SPRED2: variants seen among roughly 807,000 people sequenced by gnomAD.
SPRED2 encodes the protein sprouty-related, EVH1 domain-containing protein 2.
Under a neutral mutation model 43.0 loss-of-function variants are expected in SPRED2, and 47 were observed. The observed-to-expected ratio is 1.09, with a 90% CI of 0.87 to 1.40. The LOEUF is 1.40. Ranked by LOEUF, SPRED2 falls within the 40% of genes most tolerant of loss-of-function variation. The pLI is 0.00. For missense variants in SPRED2, 561 were observed against 586.4 expected (o/e 0.96, Z 0.45); for synonymous variants, 225 against 225.7 (o/e 1.00, Z 0.03).
chr2:65,313,304 G>T lies in SPRED2; in HGVS notation c.*197C>A. 7.0e-7 allele frequency: 1 copy of T among 1,430,920 alleles called. No individual in the cohort carries two copies. The allele number at this position is 1,430,920 out of a possible 1,614,324, so 88.6% of individuals were successfully genotyped here. On this transcript the variant is annotated 3_prime_UTR_variant, in exon 6 of 6. Transcript: ENST00000356388. ...TGTGTGTATGGATGTGGCTGCTGCA[G>T]TGTGGGCGGCAGGGGGAGTGGAGAG...
At chr2:65,404,525 T>C (rs1675978236) in intron 1 of SPRED2, among the ~76,000 whole-genome samples, 1 of 152,244 alleles carries the variant, frequency 6.6e-6, no homozygotes, top group South Asian at 2.1e-4. Flanking sequence ...CATAATTTAA[T>C]GCAGATATTC....
chr2:65,322,264 C>CTATATATATA (rs1673443326), intron 4 of SPRED2, among the ~76,000 whole-genome samples: 5 of 56,916 alleles, frequency 8.8e-5, no homozygotes, highest in African/African-American at 4.0e-4. Flanking sequence ...CTCTCTCTCT[C>CTATATATATA]TCTCTCTATA....
intron 1 of SPRED2, chr2:65,377,707 T>C (rs1209662841): frequency 4.2e-6 from 2 of 471,218 alleles, no homozygotes; most frequent in East Asian, 1.4e-4. Context: ...AAAGGAAGGC[T>C]GTGTGGGTGT....
At chr2:65,364,585 C>T (rs1467127674) in intron 1 of SPRED2, among the ~76,000 whole-genome samples, 1 of 152,162 alleles carries the variant, frequency 6.6e-6, no homozygotes, top group Non-Finnish European at 1.5e-5. Context: ...GTCAGTATAC[C>T]CTCTGTGTAC....
chr2:65,384,881 T>C (rs1286753551), intron 1 of SPRED2, among the ~76,000 whole-genome samples: 1 of 152,134 alleles, frequency 6.6e-6, no homozygotes, highest in Non-Finnish European at 1.5e-5. Flanking sequence ...TTCTGTGCCC[T>C]CCTCTCCACC....
intron 3 of SPRED2, 81 bp from the exon 4 acceptor site, chr2:65,332,132 A>G: frequency 1.2e-6 from 1 of 860,524 alleles, no homozygotes; most frequent in South Asian, 1.9e-5. Flanking sequence ...ATATTTTAAT[A>G]AAACCACATT....
chr2:65,319,236 A>G (rs1420439055), intron 4 of SPRED2, among the ~76,000 whole-genome samples: 1 of 152,144 alleles, frequency 6.6e-6, no homozygotes, highest in East Asian at 1.9e-4. Context: ...TGCATGGCTG[A>G]TGCCTGCTTC....
intron 1 of SPRED2, among the ~76,000 whole-genome samples, chr2:65,383,427 T>C (rs1302353701): frequency 6.6e-6 from 1 of 152,202 alleles, no homozygotes; most frequent in Non-Finnish European, 1.5e-5. Context: ...TTAGCTAATA[T>C]CCCCTGTGGT....
At position 65,311,393 on chromosome 2, in the gene SPRED2, A is replaced by G; in HGVS notation, c.*2108T>C. The stretch of plus-strand genomic sequence containing the variant: ...GGTGGAAAAGGACAAGGGGTGAAAG[A>G]AGAGAGAAACAGGTAACAACTAAAT... On this transcript the variant is annotated 3_prime_UTR_variant, in exon 6 of 6. Coordinates refer to ENST00000356388, the MANE Select transcript of SPRED2 (RefSeq NM_181784.3). The G allele has an allele frequency of 1.0e-6, 1 of 985,936 alleles. No homozygotes were observed. Among genetic ancestry groups the G allele is most frequent in the Non-Finnish European group, 1.2e-6 (1 of 829,950 alleles). 61.1% of individuals were successfully genotyped at this position (985,936 alleles called of 1,614,324 possible).
chr2:65,389,954 G>T (rs1389410818), intron 1 of SPRED2, among the ~76,000 whole-genome samples: 1 of 152,220 alleles, frequency 6.6e-6, no homozygotes, highest in African/African-American at 2.4e-5. Context: ...ACTACTCAGA[G>T]ATAATACTGT....
chr2:65,340,402 A>G (rs895159363), intron 2 of SPRED2, among the ~76,000 whole-genome samples: 1 of 152,234 alleles, frequency 6.6e-6, no homozygotes, highest in Admixed American at 6.5e-5. Flanking sequence ...TTGCTTTTCA[A>G]AGAGCTTTGC....
intron 4 of SPRED2, among the ~76,000 whole-genome samples, chr2:65,328,021 C>T (rs750110809): frequency 8.5e-5 from 13 of 152,062 alleles, no homozygotes; most frequent in Admixed American, 3.3e-4. Context: ...TGTGCCCGGC[C>T]CATTTTTGCT....
chr2:65,352,486 C>T lies in SPRED2; in HGVS notation c.27-7590G>A, dbSNP rs574489900. ...GAGCTCACAGTGCCAGGGCACTATG[C>T]TCTATGTTTATCAAGAGGAGAAAAC... is the stretch of plus-strand genomic sequence containing the variant. On this transcript the variant is annotated intron_variant, in intron 1 of 5. Coordinates refer to ENST00000356388, the MANE Select transcript of SPRED2 (RefSeq NM_181784.3). Among the ~76,000 whole-genome samples, 8 of 152,340 alleles carry T rather than the reference C, an allele frequency of 5.3e-5. No individual in the cohort carries two copies. In the South Asian group the frequency reaches 1.7e-3, roughly 32 times the overall value.
At chr2:65,397,870 C>T (rs562433469) in intron 1 of SPRED2, among the ~76,000 whole-genome samples, 2 of 151,990 alleles carry the variant, frequency 1.3e-5, no homozygotes, top group Non-Finnish European at 2.9e-5. Flanking sequence ...TTATTCTTCA[C>T]AGAACTAGAA....
chr2:65,356,299 T>C (rs985812000), intron 1 of SPRED2, among the ~76,000 whole-genome samples: 1 of 152,176 alleles, frequency 6.6e-6, no homozygotes, highest in Non-Finnish European at 1.5e-5. Flanking sequence ...AAAACAATAA[T>C]AGCAAAATGC....
intron 2 of SPRED2, among the ~76,000 whole-genome samples, chr2:65,336,479 C>A (rs1673969722): frequency 6.6e-6 from 1 of 152,134 alleles, no homozygotes; most frequent in Admixed American, 6.5e-5. Context: ...AAGCAGTTAA[C>A]TTTATTACAT....
chr2:65,432,166 G>T lies in SPRED2; in HGVS notation c.-179C>A, dbSNP rs1431641732. On this transcript the variant is annotated 5_prime_UTR_variant, in exon 1 of 6. Coordinates refer to ENST00000356388, the MANE Select transcript of SPRED2 (RefSeq NM_181784.3). The stretch of plus-strand genomic sequence containing the variant: ...AGCAGGGCGCGGGATAGGGTTTGGG[G>T]GAAGGGGTGCAAAGGCAGGCTGCGC... 8 of 743,886 alleles carry T rather than the reference G, an allele frequency of 1.1e-5. No individual in the cohort carries two copies. In the Admixed American group the frequency reaches 1.4e-4, roughly 13 times the overall value. 46.1% of individuals were successfully genotyped at this position (743,886 alleles called of 1,614,324 possible).
At chr2:65,330,054 T>C (rs1018329394) in intron 4 of SPRED2, among the ~76,000 whole-genome samples, 5 of 152,196 alleles carry the variant, frequency 3.3e-5, no homozygotes, top group Admixed American at 6.5e-5. Context: ...AGAGGTTCAG[T>C]CCAGCCTCAC....
chr2:65,419,111 C>T (rs1676358482), intron 1 of SPRED2, among the ~76,000 whole-genome samples: 1 of 152,110 alleles, frequency 6.6e-6, no homozygotes, highest in African/African-American at 2.4e-5. Flanking sequence ...CCAGAACTTA[C>T]CACACTTGGC....
Sources: gnomAD v4.1 joint callset for allele counts (sites outside exome capture counted in the v4.1 genomes callset) on GRCh38, gnomAD v4.1.1 for gene constraint, MANE v1.5 for transcripts, NCBI Gene and HGNC (gene_info 2026-07-23, HGNC 2026-07-21) for gene names.